The following GRM8 variants were observed in gnomAD, a reference collection of about 807,000 sequenced individuals.
GRM8 encodes the protein glutamate metabotropic receptor 8.
GRM8 carries 47 observed loss-of-function variants against 87.2 expected under a neutral mutation model. The observed-to-expected ratio is 0.54, with a 90% CI of 0.43 to 0.69. GRM8 has a LOEUF of 0.69. Ranked by LOEUF, GRM8 falls within the 30% of genes least tolerant of loss-of-function variation. The pLI is 0.00. For synonymous variants in GRM8, 396 were observed against 404.5 expected, an observed-to-expected ratio of 0.98 and a Z score of 0.25; for missense variants, 1,019 against 1,139.2, an observed-to-expected ratio of 0.89 and a Z score of 1.52.
rs571751390 is a variant in GRM8 at position 126,565,334 on chromosome 7, GAACA to G, written c.1495-31451_1495-31448del. 1.6e-3 allele frequency among the ~76,000 whole-genome samples: 246 copies of G among 152,060 alleles called. 10 individuals carry two copies. The South Asian group carries it at 0.049, about 31-fold the overall frequency. ...AAAAAAACAAAACAAAACACTGTTA[GAACA>G]AACAAATTCAATAGAGTTAAATGAT... On this transcript the variant is annotated intron_variant, in intron 8 of 10. Coordinates refer to ENST00000339582, the MANE Select transcript of GRM8 (RefSeq NM_000845.3).
At chr7:126,646,003 T>C (rs1296634144) in intron 7 of GRM8, among the ~76,000 whole-genome samples, 1 of 152,104 alleles carries the variant, frequency 6.6e-6, no homozygotes, top group African/African-American at 2.4e-5. Flanking sequence ...ACCCCCTCCC[T>C]CTCTGTCTCT....
chr7:126,801,812 T>C (rs1326353079), intron 6 of GRM8, among the ~76,000 whole-genome samples: 1 of 151,968 alleles, frequency 6.6e-6, no homozygotes, highest in African/African-American at 2.4e-5. Flanking sequence ...GAGGCCATAG[T>C]GGGTTGTCTG....
intron 3 of GRM8, among the ~76,000 whole-genome samples, chr7:126,974,355 A>G (rs772396986): frequency 6.6e-6 from 1 of 152,176 alleles, no homozygotes; most frequent in African/African-American, 2.4e-5. Flanking sequence ...TTTTGTCATC[A>G]AAAAAGTAAC....
chr7:126,969,690 C>A (rs10281299), intron 3 of GRM8, among the ~76,000 whole-genome samples: 47,879 of 151,990 alleles, frequency 0.32, 7,611 homozygotes, highest in Non-Finnish European at 0.35. Context: ...GTTAATGTTG[C>A]TATTTTTACC....
Position 126,824,308 on chromosome 7 carries a change from AGT to A in GRM8, c.1157-54245_1157-54244del, listed in dbSNP as rs542623693. Among the ~76,000 whole-genome samples, 1,176 of 152,300 alleles carry A rather than the reference AGT, an allele frequency of 7.7e-3. 15 individuals carry two copies. The highest frequency in any genetic ancestry group is 0.027 in the African/African-American group (1,107 of 41,532). On this transcript the variant is annotated intron_variant, in intron 6 of 10. Transcript: ENST00000339582. The stretch of plus-strand genomic sequence containing the variant: ...TCCCTTAGCATTGTGTCACAAAAAA[AGT>A]ATATATTTTTATGTATGTATCAAAG...
intron 2 of GRM8, among the ~76,000 whole-genome samples, chr7:127,220,339 T>C (rs1172813534): frequency 6.6e-6 from 1 of 152,208 alleles, no homozygotes; most frequent in African/African-American, 2.4e-5. Context: ...GGAATTATCT[T>C]AAAATATTAC....
At chr7:126,799,690 C>A (rs545272238) in intron 6 of GRM8, among the ~76,000 whole-genome samples, 1 of 152,130 alleles carries the variant, frequency 6.6e-6, no homozygotes, top group East Asian at 1.9e-4. Context: ...CTATTAGTAA[C>A]CGAAGTACTG....
At chr7:127,147,300 G>A (rs975241221) in intron 2 of GRM8, among the ~76,000 whole-genome samples, 1 of 152,032 alleles carries the variant, frequency 6.6e-6, no homozygotes, top group African/African-American at 2.4e-5. Flanking sequence ...CCAAAGTACA[G>A]AAAGTAAAAA....
intron 2 of GRM8, among the ~76,000 whole-genome samples, chr7:127,113,464 GT>G (rs1303647306): frequency 1.4e-5 from 2 of 139,642 alleles, no homozygotes; most frequent in Admixed American, 7.0e-5. Context: ...ATGAAAAAGG[GT>G]TTTTTTTTGT....
intron 2 of GRM8, among the ~76,000 whole-genome samples, chr7:127,133,409 G>A (rs1284669375): frequency 6.6e-6 from 1 of 150,528 alleles, no homozygotes; most frequent in Non-Finnish European, 1.5e-5. Flanking sequence ...CACAGTGAGA[G>A]TCTGTCTCAA....
chr7:126,941,443 TAAAAAAA>T, intron 3 of GRM8, among the ~76,000 whole-genome samples: 1 of 128,874 alleles, frequency 7.8e-6, no homozygotes, highest in East Asian at 2.3e-4. Flanking sequence ...CCATCTCTAC[TAAAAAAA>T]AAAAAAAAAA....
intron 8 of GRM8, among the ~76,000 whole-genome samples, chr7:126,578,076 T>C (rs533186922): frequency 2.0e-5 from 3 of 152,346 alleles, no homozygotes; most frequent in African/African-American, 7.2e-5. Flanking sequence ...CAAAGATGTT[T>C]CTTTTTAAAG....
intron 6 of GRM8, among the ~76,000 whole-genome samples, chr7:126,813,680 C>G (rs1438846539): frequency 6.6e-6 from 1 of 152,006 alleles, no homozygotes; most frequent in Non-Finnish European, 1.5e-5. Context: ...CCCTTAACAC[C>G]CTCAGATAGG....
rs996108896 is a variant in GRM8, at chr7:127,090,451, C to A, written c.727+16045G>T. Among the ~76,000 whole-genome samples, 10 of 152,250 alleles carry A rather than the reference C, an allele frequency of 6.6e-5. No individual in the cohort carries two copies. The East Asian group carries it at 1.9e-3, about 29-fold the overall frequency. Reference sequence around the variant, plus strand: ...GTTACATACCTGGAACATTCCAAACCAATTGAAAGAGGAATAATATATTCA... The same window carrying A: ...GTTACATACCTGGAACATTCCAAACAAATTGAAAGAGGAATAATATATTCA... On this transcript the variant is annotated intron_variant, in intron 3 of 10. Coordinates refer to ENST00000339582, the MANE Select transcript of GRM8 (RefSeq NM_000845.3).
intron 6 of GRM8, among the ~76,000 whole-genome samples, chr7:126,875,610 A>T (rs1799466176): frequency 1.3e-5 from 2 of 152,196 alleles, no homozygotes; most frequent in Non-Finnish European, 2.9e-5. Context: ...AGTTCATTTC[A>T]TTGAGACAAT....
chr7:126,803,374 C>G (rs1822950370), intron 6 of GRM8, among the ~76,000 whole-genome samples: 1 of 152,194 alleles, frequency 6.6e-6, no homozygotes, highest in Admixed American at 6.5e-5. Flanking sequence ...AAATACAAAA[C>G]TACTTACACA....
At chr7:127,137,928 T>A (rs1828033347) in intron 2 of GRM8, among the ~76,000 whole-genome samples, 1 of 152,206 alleles carries the variant, frequency 6.6e-6, no homozygotes, top group South Asian at 2.1e-4. Context: ...TTAGAGTTTG[T>A]ACTAATTGCT....
chr7:127,145,652 G>C (rs1376231641), intron 2 of GRM8, among the ~76,000 whole-genome samples: 1 of 151,854 alleles, frequency 6.6e-6, no homozygotes, highest in Admixed American at 6.6e-5. Flanking sequence ...ATTTATTTTT[G>C]AAAATAAATA....
At chr7:126,600,583 T>C (rs1797643431) in intron 8 of GRM8, among the ~76,000 whole-genome samples, 1 of 152,144 alleles carries the variant, frequency 6.6e-6, no homozygotes, top group African/African-American at 2.4e-5. Flanking sequence ...TCTTGGATCA[T>C]CCATCTATGT....
Sources: gnomAD v4.1 joint callset for allele counts (sites outside exome capture counted in the v4.1 genomes callset) on GRCh38, gnomAD v4.1.1 for gene constraint, MANE v1.5 for transcripts, NCBI Gene and HGNC (gene_info 2026-07-23, HGNC 2026-07-21) for gene names.